Variants in INSR observed in about 807,000 individuals in gnomAD.
The protein encoded by INSR is IR.
Under a neutral mutation model 142.6 loss-of-function variants are expected in INSR, and 67 were observed. That is an observed-to-expected ratio of 0.47 (90% confidence interval 0.39 to 0.58). The LOEUF is 0.58. Ranked by LOEUF, INSR falls within the 20% of genes least tolerant of loss-of-function variation. The pLI, the probability that INSR is intolerant of heterozygous loss-of-function variation, is 0.00. For synonymous variants in INSR, 756 were observed against 743.1 expected (o/e 1.02, Z -0.28); for missense variants, 1,248 against 1,833.2 (o/e 0.68, Z 5.83).
At chr19:7,200,062 C>G (rs1974911048) in intron 2 of INSR, among the ~76,000 whole-genome samples, 1 of 151,938 alleles carries the variant, frequency 6.6e-6, no homozygotes, top group African/African-American at 2.4e-5. Context: ...TGATGAAGGG[C>G]AAAGTACAGG....
chr19:7,119,905 C>A lies in INSR; in HGVS notation c.3660-322G>T, dbSNP rs778542110. On this transcript the variant is annotated intron_variant, in intron 20 of 21. Coordinates refer to ENST00000302850, the MANE Select transcript of INSR (RefSeq NM_000208.4). This position sits in a 1 kb window ranked among gnomAD's most constrained non-coding sequence, Gnocchi z 5.2. ...ACACATATGCACACACATACACACA[C>A]AAACACACACACAAACACATCTCTT... is the stretch of plus-strand genomic sequence containing the variant. Among the ~76,000 whole-genome samples the A allele has an allele frequency of 7.9e-6, 1 of 127,380 alleles. No individual in the cohort carries two copies. The highest frequency in any genetic ancestry group is 7.4e-5 in the Admixed American group (1 of 13,468). The allele number at this position is 127,380 out of a possible 152,430, so 83.6% of individuals were successfully genotyped here.
At chr19:7,155,607 A>AG (rs113970751) in intron 9 of INSR, among the ~76,000 whole-genome samples, 25,585 of 135,458 alleles carry the variant, frequency 0.19, 3,678 homozygotes, top group African/African-American at 0.4. Flanking sequence ...GAATGGTGGG[A>AG]GGGGGTTAGA....
intron 1 of INSR, among the ~76,000 whole-genome samples, chr19:7,276,975 C>A (rs1045397064): frequency 2.4e-4 from 37 of 152,146 alleles, no homozygotes; most frequent in African/African-American, 8.2e-4. Flanking sequence ...AGGTGATCCA[C>A]CCGTCTAGAC....
At chr19:7,149,858 G>C (rs1217339835) in intron 11 of INSR, among the ~76,000 whole-genome samples, 2 of 150,274 alleles carry the variant, frequency 1.3e-5, no homozygotes. Context: ...AAGGGAGGGA[G>C]GGACGGACGG....
chr19:7,250,183 GGGAAA>G (rs943050815), intron 2 of INSR, among the ~76,000 whole-genome samples: 4 of 148,126 alleles, frequency 2.7e-5, no homozygotes, highest in African/African-American at 5.0e-5. Context: ...AGAAAAGAGA[GGGAAA>G]GGAAAGGAAA....
intron 2 of INSR, among the ~76,000 whole-genome samples, chr19:7,197,151 G>A (rs972021085): frequency 1.3e-5 from 2 of 152,240 alleles, no homozygotes; most frequent in African/African-American, 4.8e-5. Context: ...TTGAAGCGGG[G>A]AAGCGCCCCT....
chr19:7,165,559 G>A (rs1260739954), intron 8 of INSR, among the ~76,000 whole-genome samples: 1 of 151,934 alleles, frequency 6.6e-6, no homozygotes, highest in Non-Finnish European at 1.5e-5. Flanking sequence ...TCAATACCCA[G>A]CTCCTTTAAA....
At chr19:7,284,775 G>A (rs534898202) in intron 1 of INSR, among the ~76,000 whole-genome samples, 3 of 152,212 alleles carry the variant, frequency 2.0e-5, no homozygotes, top group Non-Finnish European at 2.9e-5. Context: ...TGATCCACTC[G>A]CCTCGGACTC....
At chr19:7,158,083 A>G (rs1210229782) in intron 9 of INSR, among the ~76,000 whole-genome samples, 1 of 133,182 alleles carries the variant, frequency 7.5e-6, no homozygotes, top group African/African-American at 2.6e-5. Flanking sequence ...TATTATTATT[A>G]TTATTATTTG....
chr19:7,185,868 G>A (rs371263723), intron 2 of INSR, among the ~76,000 whole-genome samples: 260 of 70,858 alleles, frequency 3.7e-3, no homozygotes, highest in African/African-American at 0.012. Context: ...AAGAGAGAGA[G>A]AGACAAAGAG....
intron 2 of INSR, among the ~76,000 whole-genome samples, chr19:7,259,526 A>C (rs1976996049): frequency 6.6e-6 from 1 of 152,142 alleles, no homozygotes; most frequent in Non-Finnish European, 1.5e-5. Flanking sequence ...GATTGTTAAA[A>C]TACCAAGGCA....
At chr19:7,194,616 G>A (rs1227081171) in intron 2 of INSR, among the ~76,000 whole-genome samples, 5 of 141,270 alleles carry the variant, frequency 3.5e-5, no homozygotes, top group African/African-American at 1.0e-4. Context: ...GGGTTCAAGC[G>A]ATTCTCCTGC....
At chr19:7,220,151 A>G (rs117116579) in intron 2 of INSR, among the ~76,000 whole-genome samples, 1,953 of 152,258 alleles carry the variant, frequency 0.013, 12 homozygotes, top group Non-Finnish European at 0.023. Flanking sequence ...TCCCAAGCAA[A>G]ATATGATTCT....
In INSR at chr19:7,166,466, C is replaced by A; in HGVS notation, c.1611-62G>T. ...CAAGACCGTCACACTGAGTGCCGTG[C>A]AGATGAGGCCTGGGAAGTTACATCC... On this transcript the variant is annotated intron_variant, in intron 7 of 21. Transcript: ENST00000302850. This position sits in a 1 kb window ranked among gnomAD's most constrained non-coding sequence, Gnocchi z 4.1. The A allele has an allele frequency of 6.3e-7, 1 of 1,581,068 alleles. No homozygotes were observed. The highest frequency in any genetic ancestry group is 8.6e-7 in the Non-Finnish European group (1 of 1,160,366).
At chr19:7,251,692 CTGTGACTAGGA>C (rs778354057) in intron 2 of INSR, among the ~76,000 whole-genome samples, 59 of 152,094 alleles carry the variant, frequency 3.9e-4, no homozygotes, top group Non-Finnish European at 7.4e-4. Context: ...GGGAAGAGGC[CTGTGACTAGGA>C]TGTGGTCCGT....
At chr19:7,194,386 C>T (rs965764082) in intron 2 of INSR, among the ~76,000 whole-genome samples, 6 of 150,430 alleles carry the variant, frequency 4.0e-5, no homozygotes, top group African/African-American at 1.2e-4. Context: ...CACTGCACTC[C>T]AGCCTGGACG....
intron 2 of INSR, among the ~76,000 whole-genome samples, chr19:7,188,418 C>T (rs941575501): frequency 2.0e-5 from 3 of 150,942 alleles, no homozygotes; most frequent in African/African-American, 7.3e-5. Context: ...TGGTGGTGGG[C>T]GCCTGTAATC....
Position 7,221,378 on chromosome 19 carries a change from A to AAGGAGGACGAGG in INSR, c.653-36742_653-36741insCCTCGTCCTCCT, listed in dbSNP as rs1568495315. ...AATAGAGTGAGACTCTGTCAAAAAAAAGGAGGAGGAGGAGGAGGAGGAGGA... is the reference window on the plus strand; with the variant it reads ...AATAGAGTGAGACTCTGTCAAAAAAAAGGAGGACGAGGAGGAGGAGGAGGAGGAGGAGGAGGA... On this transcript the variant is annotated intron_variant, in intron 2 of 21. Coordinates refer to ENST00000302850, the MANE Select transcript of INSR (RefSeq NM_000208.4). 1.8e-3 allele frequency among the ~76,000 whole-genome samples: 256 copies of AAGGAGGACGAGG among 140,174 alleles called. 2 individuals are homozygous for AAGGAGGACGAGG. Among genetic ancestry groups the AAGGAGGACGAGG allele is most frequent in the Non-Finnish European group, 8.7e-4 (57 of 65,546 alleles). 92.0% of individuals were successfully genotyped at this position (140,174 alleles called of 152,430 possible).
At chr19:7,232,005 T>G (rs1249320146) in intron 2 of INSR, among the ~76,000 whole-genome samples, 1 of 152,112 alleles carries the variant, frequency 6.6e-6, no homozygotes, top group African/African-American at 2.4e-5. Context: ...CTCTACCCGC[T>G]TCTTCAATAA....
Sources: allele counts gnomAD v4.1 joint callset (sites outside exome capture counted in the v4.1 genomes callset), GRCh38; gene constraint gnomAD v4.1.1; non-coding constraint Gnocchi (gnomAD v3.1); transcripts MANE v1.5; gene names NCBI Gene and HGNC (gene_info 2026-07-23, HGNC 2026-07-21).